ZFAND6: variants seen among roughly 807,000 people sequenced by gnomAD.
The protein encoded by ZFAND6 is zinc finger AN1-type containing 6.
A neutral mutation model predicts 24.5 loss-of-function variants in ZFAND6; 12 were observed. That is an observed-to-expected ratio of 0.49 (90% CI 0.31 to 0.79). The LOEUF (loss-of-function observed/expected upper bound fraction) is 0.79, where lower values mean the gene tolerates loss of function less well. Ranked by LOEUF, ZFAND6 falls within the 30% of genes least tolerant of loss-of-function variation. The pLI is 0.04. For missense variants in ZFAND6, 207 were observed against 245.9 expected (o/e 0.84, Z 1.06); for synonymous variants, 92 against 81.5 (o/e 1.13, Z -0.69).
intron 1 of ZFAND6, among the ~76,000 whole-genome samples, chr15:80,077,041 A>G (rs80080958): frequency 0.012 from 1,854 of 152,354 alleles, 31 homozygotes; most frequent in African/African-American, 0.042. Context: ...TTATGCACAT[A>G]GTTTTGAGTT....
intron 1 of ZFAND6, among the ~76,000 whole-genome samples, chr15:80,071,499 A>G (rs542658485): frequency 4.0e-4 from 61 of 152,310 alleles, no homozygotes; most frequent in Non-Finnish European, 6.9e-4. Flanking sequence ...AGCTGCTAAA[A>G]CATAAGCAGT....
At chr15:80,115,506 CAAAAA>C (rs2039832759) in intron 2 of ZFAND6, among the ~76,000 whole-genome samples, 3 of 152,214 alleles carry the variant, frequency 2.0e-5, no homozygotes, top group African/African-American at 7.2e-5. Context: ...CTGATTGCCC[CAAAAA>C]GGTATAGTAG....
intron 5 of ZFAND6, among the ~76,000 whole-genome samples, chr15:80,124,839 A>G (rs2040305276): frequency 6.6e-6 from 1 of 152,204 alleles, no homozygotes; most frequent in Non-Finnish European, 1.5e-5. Context: ...CTCAGTTTTA[A>G]GAGAGGAGGG....
At chr15:80,110,443 C>T (rs1333199629) in intron 2 of ZFAND6, among the ~76,000 whole-genome samples, 1 of 151,914 alleles carries the variant, frequency 6.6e-6, no homozygotes, top group East Asian at 1.9e-4. Context: ...GAGAGATATA[C>T]AGTAGTATTA....
chr15:80,093,082 G>A (rs975627628), intron 1 of ZFAND6, among the ~76,000 whole-genome samples: 1 of 151,724 alleles, frequency 6.6e-6, no homozygotes, highest in African/African-American at 2.4e-5. Context: ...AGCCTCCCGA[G>A]TAGCTGGGAT....
intron 3 of ZFAND6, among the ~76,000 whole-genome samples, chr15:80,121,208 C>A (rs1171952043): frequency 6.6e-6 from 1 of 152,106 alleles, no homozygotes; most frequent in Non-Finnish European, 1.5e-5. Context: ...TGTGTGAGAT[C>A]TTGTCTGTTT....
At chr15:80,095,115 A>G (rs1369361003) in intron 1 of ZFAND6, among the ~76,000 whole-genome samples, 4 of 152,096 alleles carry the variant, frequency 2.6e-5, no homozygotes, top group Non-Finnish European at 5.9e-5. Context: ...ACCCATAATC[A>G]TTCATTGCAT....
chr15:80,079,340 C>T (rs1381304746), intron 1 of ZFAND6, among the ~76,000 whole-genome samples: 32 of 151,864 alleles, frequency 2.1e-4, no homozygotes, highest in Admixed American at 2.1e-3. Context: ...CCTGCCTCAG[C>T]CTCCCAAGTA....
chr15:80,082,066 A>G (rs1054880306), intron 1 of ZFAND6, among the ~76,000 whole-genome samples: 23 of 152,226 alleles, frequency 1.5e-4, no homozygotes, highest in Non-Finnish European at 2.9e-4. Context: ...GGATATGCCA[A>G]CCAAAATTTT....
chr15:80,101,766 A>G lies in ZFAND6; in HGVS notation c.-18+3188A>G, dbSNP rs150822814. 4.3e-3 allele frequency among the ~76,000 whole-genome samples: 580 copies of G among 134,156 alleles called. 4 individuals carry two copies. The highest frequency in any genetic ancestry group is 0.016 in the African/African-American group (563 of 35,972). 88.0% of individuals were successfully genotyped at this position (134,156 alleles called of 152,430 possible). A position where few individuals can be genotyped will look rare whatever the true frequency, so the allele number is the denominator to read the frequency against. On this transcript the variant is annotated intron_variant, in intron 2 of 6. Coordinates refer to ENST00000261749, the MANE Select transcript of ZFAND6 (RefSeq NM_019006.4). ...AAGAATCTTGGTGAAGGTTAGGTGTATTTTCTCTGGGTTTTATGTAAAGTG... is the reference window on the plus strand; with the variant it reads ...AAGAATCTTGGTGAAGGTTAGGTGTGTTTTCTCTGGGTTTTATGTAAAGTG...
At chr15:80,076,631 C>T (rs555841263) in intron 1 of ZFAND6, among the ~76,000 whole-genome samples, 146 of 152,236 alleles carry the variant, frequency 9.6e-4, no homozygotes, top group African/African-American at 3.4e-3. Context: ...TTAGTCTTTT[C>T]GAACCAGTAA....
chr15:80,132,360 A>G (rs1327530250), intron 6 of ZFAND6, among the ~76,000 whole-genome samples: 1 of 152,200 alleles, frequency 6.6e-6, no homozygotes, highest in Non-Finnish European at 1.5e-5. Flanking sequence ...AATATGCACA[A>G]ATCTATTATA....
intron 1 of ZFAND6, among the ~76,000 whole-genome samples, chr15:80,062,612 G>T (rs2036395503): frequency 6.6e-6 from 1 of 152,094 alleles, no homozygotes; most frequent in Non-Finnish European, 1.5e-5. Flanking sequence ...GAGTAGAGAT[G>T]GTTTCATTTT....
At chr15:80,112,832 C>T (rs1168105257) in intron 2 of ZFAND6, 1 of 455,982 alleles carries the variant, frequency 2.2e-6, no homozygotes, top group Non-Finnish European at 4.4e-6. Context: ...AAACACTAAT[C>T]TCAAGCACCT....
chr15:80,069,580 AATAT>A, intron 1 of ZFAND6, among the ~76,000 whole-genome samples: 1 of 152,230 alleles, frequency 6.6e-6, no homozygotes, highest in East Asian at 1.9e-4. Context: ...TGCAGGCTCA[AATAT>A]ATCTTACTTT....
chr15:80,112,731 C>A, intron 2 of ZFAND6: 1 of 455,608 alleles, frequency 2.2e-6, no homozygotes. Flanking sequence ...AAGGTTACTG[C>A]TGCTCCTTAC....
Position 80,121,743 on chromosome 15 carries a change from A to T in ZFAND6, c.186A>T (p.Leu62Phe). 6.2e-7 allele frequency: 1 copy of T among 1,613,900 alleles called. No homozygotes were observed. Among genetic ancestry groups the T allele is most frequent in the Non-Finnish European group, 8.5e-7 (1 of 1,179,870 alleles). ...CTGTCAGTAGTCTGTCTGAATCTTTACCAGTTCAATGCACAGATGGCAGTG... is the reference window on the plus strand; with the variant it reads ...CTGTCAGTAGTCTGTCTGAATCTTTTCCAGTTCAATGCACAGATGGCAGTG... ...ATSVSSLSES[L>F]PVQCTDGSVP... The change falls in exon 4 of 7, where the codon TTA becomes TTT. Residue 62 changes from leucine to phenylalanine, a missense_variant. By Grantham distance (22) the Leu-to-Phe change is conservative. Around this residue, in one of 3 missense-constraint regions of ZFAND6, gnomAD observed 133 missense variants for 122.8 expected, o/e 1.08. Transcript: ENST00000261749.
At chr15:80,100,981 T>C (rs186412724) in intron 2 of ZFAND6, among the ~76,000 whole-genome samples, 16 of 152,312 alleles carry the variant, frequency 1.1e-4, no homozygotes, top group African/African-American at 3.9e-4. Context: ...GAGTGAATCA[T>C]CAGTGCTTGC....
At chr15:80,062,424 G>GGT (rs1393896234) in intron 1 of ZFAND6, among the ~76,000 whole-genome samples, 1 of 152,140 alleles carries the variant, frequency 6.6e-6, no homozygotes, top group Non-Finnish European at 1.5e-5. Flanking sequence ...ATGCCCACAA[G>GGT]GTGTGTTTCC....
Sources: allele counts gnomAD v4.1 joint callset (sites outside exome capture counted in the v4.1 genomes callset), GRCh38; gene constraint gnomAD v4.1.1; regional missense constraint gnomAD v4.1.1; transcripts MANE v1.5; gene names NCBI Gene and HGNC (gene_info 2026-07-23, HGNC 2026-07-21).